Variants in SPMIP3 observed in about 807,000 individuals in gnomAD.
SPMIP3 encodes sperm microtubule inner protein 3, also known as protein SPMIP3.
chr1:244,369,651 G>T, the SPMIP3 span, among the ~76,000 whole-genome samples: 2 of 151,778 alleles, frequency 1.3e-5, no homozygotes, highest in Admixed American at 1.3e-4. Context: ...TGAGGAGGTG[G>T]TGTCTGATTT....
chr1:244,370,991 G>A, the SPMIP3 span, among the ~76,000 whole-genome samples: 2 of 152,186 alleles, frequency 1.3e-5, no homozygotes, highest in African/African-American at 4.8e-5. Context: ...CAGCAGGGCC[G>A]TAACAGAGAA....
chr1:244,359,833 C>T, the SPMIP3 span, among the ~76,000 whole-genome samples: 15 of 151,848 alleles, frequency 9.9e-5, no homozygotes, highest in South Asian at 6.3e-4. Context: ...CAACATGGCC[C>T]GGGGCGGTGG....
At chr1:244,358,838 T>G in the SPMIP3 span, among the ~76,000 whole-genome samples, 1 of 152,126 alleles carries the variant, frequency 6.6e-6, no homozygotes, top group Non-Finnish European at 1.5e-5. Flanking sequence ...GCACTTTTGT[T>G]TGCTTTGGAA....
chr1:244,389,161 G>A, the SPMIP3 span: 2 of 878,318 alleles, frequency 2.3e-6, no homozygotes, highest in Non-Finnish European at 1.8e-6. Context: ...GTTTCAGTGT[G>A]TATACAGATG....
At chr1:244,373,624 T>C in the SPMIP3 span, among the ~76,000 whole-genome samples, 1 of 151,624 alleles carries the variant, frequency 6.6e-6, no homozygotes, top group East Asian at 2.0e-4. Context: ...TCTCTGCTAT[T>C]CTTCTGAAAT....
At chr1:244,367,272 T>C in the SPMIP3 span, among the ~76,000 whole-genome samples, 2 of 152,116 alleles carry the variant, frequency 1.3e-5, no homozygotes, top group South Asian at 4.1e-4. Flanking sequence ...TGCAATGGGT[T>C]GAAGGGTTTT....
At chr1:244,387,297 G>GA in the SPMIP3 span, among the ~76,000 whole-genome samples, 452 of 133,344 alleles carry the variant, frequency 3.4e-3, no homozygotes, top group Middle Eastern at 8.1e-3. Context: ...GACTCCGTCT[G>GA]AAAAAAAAAA....
At chr1:244,361,038 A>T in the SPMIP3 span, among the ~76,000 whole-genome samples, 3 of 152,118 alleles carry the variant, frequency 2.0e-5, no homozygotes, top group African/African-American at 7.2e-5. Context: ...CTTGTCGAAG[A>T]AAAGGAATTG....
At chr1:244,371,529 G>A in the SPMIP3 span, among the ~76,000 whole-genome samples, 1 of 152,204 alleles carries the variant, frequency 6.6e-6, no homozygotes, top group Non-Finnish European at 1.5e-5. Flanking sequence ...AAGAGACACT[G>A]CCAAGGGGCG....
chr1:244,371,837 G>A, the SPMIP3 span, among the ~76,000 whole-genome samples: 2 of 152,212 alleles, frequency 1.3e-5, no homozygotes, highest in Non-Finnish European at 2.9e-5. Flanking sequence ...TGTGCATTCA[G>A]AAATGTCATT....
At chr1:244,374,685 C>T in the SPMIP3 span, among the ~76,000 whole-genome samples, 1 of 146,064 alleles carries the variant, frequency 6.8e-6, no homozygotes. Flanking sequence ...CAACTTCTGC[C>T]TCCCGAGTTA....
At chr1:244,355,757 G>T in the SPMIP3 span, among the ~76,000 whole-genome samples, 3 of 152,206 alleles carry the variant, frequency 2.0e-5, no homozygotes, top group African/African-American at 7.2e-5. Flanking sequence ...AGATAAAGCA[G>T]ATCAATGTGC....
chr1:244,369,928 C>G, the SPMIP3 span, among the ~76,000 whole-genome samples: 1 of 152,138 alleles, frequency 6.6e-6, no homozygotes, highest in Non-Finnish European at 1.5e-5. Flanking sequence ...GATGGCGCCT[C>G]CATGTTGAAC....
At chr1:244,374,123 A>G in the SPMIP3 span, among the ~76,000 whole-genome samples, 4 of 152,154 alleles carry the variant, frequency 2.6e-5, no homozygotes, top group Non-Finnish European at 4.4e-5. Flanking sequence ...AAAATAAATA[A>G]ATAAATACAA....
At chr1:244,372,483 C>T in the SPMIP3 span, among the ~76,000 whole-genome samples, 317 of 151,098 alleles carry the variant, frequency 2.1e-3, 1 homozygote, top group African/African-American at 7.3e-3. Flanking sequence ...TCACTCTGTC[C>T]CCCAGGCTGG....
chr1:244,378,902 C>G, the SPMIP3 span, among the ~76,000 whole-genome samples: 51 of 150,416 alleles, frequency 3.4e-4, no homozygotes, highest in African/African-American at 1.1e-3. Context: ...TCAAGTCTGA[C>G]CACGCTTTCT....
chr1:244,359,122 A>G, the SPMIP3 span, among the ~76,000 whole-genome samples: 211 of 145,828 alleles, frequency 1.4e-3, no homozygotes, highest in African/African-American at 5.1e-3. Flanking sequence ...TATGTGTCCA[A>G]GAGATTATGA....
chr1:244,378,018 G>A, the SPMIP3 span, among the ~76,000 whole-genome samples: 1 of 152,026 alleles, frequency 6.6e-6, no homozygotes, highest in South Asian at 2.1e-4. Flanking sequence ...TGTTGCTCAG[G>A]CTGGACTTGA....
chr1:244,380,117 G>GTTTTTTTTTTT, the SPMIP3 span, among the ~76,000 whole-genome samples: 1 of 132,174 alleles, frequency 7.6e-6, no homozygotes, highest in Non-Finnish European at 1.6e-5. Context: ...CATTCACAGA[G>GTTTTTTTTTTT]TTTTTCTTTT....
Sources: gnomAD v4.1 joint callset for allele counts (sites outside exome capture counted in the v4.1 genomes callset) on GRCh38, gnomAD v4.1.1 for gene constraint, MANE v1.5 for transcripts, NCBI Gene and HGNC (gene_info 2026-07-23, HGNC 2026-07-21) for gene names.